DENND5A: variants seen among roughly 807,000 people sequenced by gnomAD.
The protein encoded by DENND5A is DENN domain-containing protein 5A.
A neutral mutation model predicts 140.3 loss-of-function variants in DENND5A; 64 were observed. That is an observed-to-expected ratio of 0.46 (90% CI 0.37 to 0.56). The LOEUF (loss-of-function observed/expected upper bound fraction) is 0.56. Among genes scored for constraint, DENND5A ranks in the 20% least tolerant of loss-of-function variants. DENND5A has a pLI of 0.00. For synonymous variants in DENND5A, 605 were observed against 607.7 expected (o/e 1.00, Z 0.07); for missense variants, 1,292 against 1,593.8 (o/e 0.81, Z 3.22).
Position 9,178,851 on chromosome 11 carries a change from C to T in DENND5A, c.1671+7G>A, listed in dbSNP as rs1489780797. ...CCTCACCACCTCCCAAGCAGGATTACACTCACTTTATCAAAGTTTTGCATT... is the reference window on the plus strand; with the variant it reads ...CCTCACCACCTCCCAAGCAGGATTATACTCACTTTATCAAAGTTTTGCATT... On this transcript the variant is annotated splice_region_variant and intron_variant, in intron 7 of 22. Transcript: ENST00000328194. 1 of 1,611,552 alleles carries T rather than the reference C, an allele frequency of 6.2e-7. No homozygotes were observed. Among genetic ancestry groups the T allele is most frequent in the African/African-American group, 1.3e-5 (1 of 74,840 alleles).
At chr11:9,221,298 G>A (rs767037829) in intron 1 of DENND5A, among the ~76,000 whole-genome samples, 2 of 151,680 alleles carry the variant, frequency 1.3e-5, no homozygotes, top group Admixed American at 6.6e-5. Flanking sequence ...GGGCATGGTG[G>A]CGAGTGCCTG....
chr11:9,219,470 A>G (rs1850224662), intron 1 of DENND5A, among the ~76,000 whole-genome samples: 1 of 152,356 alleles, frequency 6.6e-6, no homozygotes, highest in East Asian at 1.9e-4. Context: ...TAAGAGAGTA[A>G]AAGAAAGAAA....
At chr11:9,202,192 G>C (rs1472031714) in intron 4 of DENND5A, among the ~76,000 whole-genome samples, 1 of 152,130 alleles carries the variant, frequency 6.6e-6, no homozygotes, top group African/African-American at 2.4e-5. Context: ...TGTCATGAAA[G>C]ACAAAAGCTG....
rs763740178 is a variant in DENND5A at position 9,150,069 on chromosome 11, G to A, written c.2735+12C>T. 5.6e-6 allele frequency: 9 copies of A among 1,605,046 alleles called. No individual in the cohort carries two copies. In the African/African-American group the frequency reaches 1.1e-4, roughly 19 times the overall value. ...TGGGAGCCTGCTTCTACTCCTGGCG[G>A]AGCAGCCTTACTTGGTGAGCTCATG... On this transcript the variant is annotated intron_variant, in intron 15 of 22. Transcript: ENST00000328194.
intron 3 of DENND5A, among the ~76,000 whole-genome samples, chr11:9,205,015 A>T (rs895012037): frequency 2.6e-5 from 4 of 152,218 alleles, no homozygotes; most frequent in Non-Finnish European, 5.9e-5. Context: ...AGAGAGTAAG[A>T]TATGTATATT....
At chr11:9,225,223 TAA>T (rs1413866130) in intron 1 of DENND5A, among the ~76,000 whole-genome samples, 2 of 152,168 alleles carry the variant, frequency 1.3e-5, no homozygotes, top group African/African-American at 4.8e-5. Context: ...TTACATTTTT[TAA>T]AAAGTGTTGA....
At position 9,265,084 on chromosome 11, in the gene DENND5A, G is replaced by T; in HGVS notation, c.-15C>A. 9.3e-6 allele frequency: 14 copies of T among 1,497,972 alleles called. No individual in the cohort carries two copies. Among genetic ancestry groups the T allele is most frequent in the Non-Finnish European group, 1.2e-5 (13 of 1,122,138 alleles). 92.8% of individuals were successfully genotyped at this position (1,497,972 alleles called of 1,614,324 possible). The stretch of plus-strand genomic sequence containing the variant: ...CCGCCACTCATGGCGCCGGGGCCGA[G>T]ACCGGCCGGGCAGTGCGGAGCGGCA... On this transcript the variant is annotated 5_prime_UTR_variant, in exon 1 of 23. Transcript: ENST00000328194. This position sits in a 1 kb window ranked among gnomAD's most constrained non-coding sequence, Gnocchi z 4.7.
intron 18 of DENND5A, among the ~76,000 whole-genome samples, chr11:9,144,562 G>A (rs558289307): frequency 2.0e-5 from 3 of 152,158 alleles, no homozygotes; most frequent in South Asian, 2.1e-4. Context: ...AGGCCGAGGC[G>A]GCCGGATCAC....
chr11:9,141,325 G>A (rs1351637457), intron 22 of DENND5A, among the ~76,000 whole-genome samples: 2 of 152,164 alleles, frequency 1.3e-5, no homozygotes, highest in Non-Finnish European at 2.9e-5. Context: ...CATACACGTT[G>A]TCATCCCTAC....
At chr11:9,239,225 C>T (rs1851132913) in intron 1 of DENND5A, among the ~76,000 whole-genome samples, 2 of 151,880 alleles carry the variant, frequency 1.3e-5, no homozygotes, top group African/African-American at 4.8e-5. Context: ...GAGACAGGAG[C>T]CTCACAACGT....
intron 1 of DENND5A, among the ~76,000 whole-genome samples, chr11:9,249,600 G>A (rs931872046): frequency 5.3e-5 from 8 of 152,076 alleles, no homozygotes; most frequent in South Asian, 2.1e-4. Flanking sequence ...CCAAACTGGA[G>A]TGCAATGGCG....
At chr11:9,220,190 G>A (rs1055678894) in intron 1 of DENND5A, among the ~76,000 whole-genome samples, 12 of 152,164 alleles carry the variant, frequency 7.9e-5, no homozygotes, top group African/African-American at 2.7e-4. Flanking sequence ...GTGCTTAAAC[G>A]CCTGTGGCAT....
chr11:9,153,694 G>C (rs1336010948), intron 12 of DENND5A, among the ~76,000 whole-genome samples: 1 of 152,176 alleles, frequency 6.6e-6, no homozygotes, highest in Admixed American at 6.5e-5. Flanking sequence ...ATTTACTATT[G>C]AAGGTATAGT....
At chr11:9,255,925 C>T (rs569073590) in intron 1 of DENND5A, among the ~76,000 whole-genome samples, 3 of 150,872 alleles carry the variant, frequency 2.0e-5, no homozygotes, top group African/African-American at 4.9e-5. Flanking sequence ...ACTCAAGAGG[C>T]TGAGGAAGGA....
intron 1 of DENND5A, among the ~76,000 whole-genome samples, chr11:9,257,500 GAGA>G (rs1191790661): frequency 9.2e-4 from 44 of 47,756 alleles, no homozygotes; most frequent in African/African-American, 3.4e-3. Context: ...TTTTTTTTTT[GAGA>G]AGGAGTCTCA....
intron 8 of DENND5A, among the ~76,000 whole-genome samples, chr11:9,177,684 G>A (rs561398564): frequency 3.4e-5 from 5 of 147,568 alleles, no homozygotes; most frequent in East Asian, 2.0e-4. Flanking sequence ...AGAAAAGAAA[G>A]AGCTTCTGTA....
chr11:9,143,322 G>T, intron 20 of DENND5A, 81 bp downstream of exon 20: 1 of 1,233,042 alleles, frequency 8.1e-7, no homozygotes. Flanking sequence ...GCCTGGAAGA[G>T]CATAACAAGA....
At position 9,139,056 on chromosome 11, in the gene DENND5A, A is replaced by G. The variant is rs187059248; in HGVS notation, c.*615T>C. On this transcript the variant is annotated 3_prime_UTR_variant, in exon 23 of 23. Coordinates refer to ENST00000328194, the MANE Select transcript of DENND5A (RefSeq NM_015213.4). Reference sequence around the variant, plus strand: ...AACATGCTTATGTTTACTTCTGTGAAACTGTGCCAACAGGAAATGTGGTAT... The same window carrying G: ...AACATGCTTATGTTTACTTCTGTGAGACTGTGCCAACAGGAAATGTGGTAT... The G allele has an allele frequency of 6.5e-6, 1 of 152,772 alleles. No individual in the cohort carries two copies. The highest frequency in any genetic ancestry group is 2.4e-5 in the African/African-American group (1 of 41,574). The allele number at this position is 152,772 out of a possible 1,614,324, so 9.5% of individuals were successfully genotyped here.
intron 3 of DENND5A, among the ~76,000 whole-genome samples, chr11:9,205,945 G>C (rs940388857): frequency 6.6e-6 from 1 of 152,174 alleles, no homozygotes; most frequent in Admixed American, 6.5e-5. Context: ...GTTAAGAGCA[G>C]AGGTCTGGAA....
Sources: allele counts gnomAD v4.1 joint callset (sites outside exome capture counted in the v4.1 genomes callset), GRCh38; gene constraint gnomAD v4.1.1; non-coding constraint Gnocchi (gnomAD v3.1); transcripts MANE v1.5; gene names NCBI Gene and HGNC (gene_info 2026-07-23, HGNC 2026-07-21).